The following CAMK1D variants were observed in gnomAD, a reference collection of about 807,000 sequenced individuals.
CAMK1D encodes calcium/calmodulin-dependent protein kinase type 1D.
In CAMK1D, 9 loss-of-function variants were observed where a neutral mutation model predicts 47.7. The ratio of observed to expected loss-of-function variants is 0.19; its 90% CI spans 0.11 to 0.33. The LOEUF (loss-of-function observed/expected upper bound fraction) is 0.33. CAMK1D is among the 10% of genes least tolerant of loss of function. CAMK1D has a pLI of 1.00. For missense variants in CAMK1D, 291 were observed against 488.7 expected, an observed-to-expected ratio of 0.60 and a Z score of 3.81; for synonymous variants, 184 against 184.9, an observed-to-expected ratio of 0.99 and a Z score of 0.04.
At chr10:12,547,216 A>C (rs1207980360) in intron 1 of CAMK1D, among the ~76,000 whole-genome samples, 1 of 152,254 alleles carries the variant, frequency 6.6e-6, no homozygotes, top group Non-Finnish European at 1.5e-5. Flanking sequence ...AAGGAGGTCA[A>C]GGCAAAAACC....
intron 1 of CAMK1D, among the ~76,000 whole-genome samples, chr10:12,367,766 G>A (rs1837880996): frequency 6.6e-6 from 1 of 152,108 alleles, no homozygotes; most frequent in African/African-American, 2.4e-5. Context: ...CAAGTGATGG[G>A]GGCGTCTGTA....
chr10:12,605,984 T>C (rs1838447642), intron 2 of CAMK1D, among the ~76,000 whole-genome samples: 1 of 152,164 alleles, frequency 6.6e-6, no homozygotes. Flanking sequence ...AATTTGGCCG[T>C]GAGAGAAGCA....
intron 1 of CAMK1D, among the ~76,000 whole-genome samples, chr10:12,404,774 A>C (rs1315802947): frequency 2.0e-5 from 3 of 151,458 alleles, no homozygotes; most frequent in African/African-American, 7.3e-5. Flanking sequence ...AGCTCCCTGC[A>C]ACCTCTGCCT....
intron 1 of CAMK1D, among the ~76,000 whole-genome samples, chr10:12,489,415 G>T (rs1377326911): frequency 6.6e-6 from 1 of 152,178 alleles, no homozygotes; most frequent in Non-Finnish European, 1.5e-5. Context: ...AAACATCCTG[G>T]AGAGTTGAAG....
At chr10:12,469,349 C>G (rs940530461) in intron 1 of CAMK1D, among the ~76,000 whole-genome samples, 1 of 123,202 alleles carries the variant, frequency 8.1e-6, no homozygotes, top group Non-Finnish European at 1.6e-5. Context: ...TAGAAAATAT[C>G]TGGATTTCAG....
At chr10:12,489,875 C>T (rs1834328677) in intron 1 of CAMK1D, among the ~76,000 whole-genome samples, 1 of 152,188 alleles carries the variant, frequency 6.6e-6, no homozygotes, top group African/African-American at 2.4e-5. Flanking sequence ...GGGCTGATGT[C>T]CCTGCAGCTG....
At chr10:12,406,561 C>T (rs1470487184) in intron 1 of CAMK1D, among the ~76,000 whole-genome samples, 4 of 151,066 alleles carry the variant, frequency 2.6e-5, no homozygotes. Flanking sequence ...AAAAAACAAA[C>T]CCTCCACAAA....
At chr10:12,715,402 C>T (rs1282946404) in intron 3 of CAMK1D, among the ~76,000 whole-genome samples, 2 of 152,190 alleles carry the variant, frequency 1.3e-5, no homozygotes, top group South Asian at 2.1e-4. Flanking sequence ...TGCATTTTAT[C>T]ATTTTCCTCT....
chr10:12,666,423 A>G (rs1251735674), intron 2 of CAMK1D, among the ~76,000 whole-genome samples: 2 of 152,328 alleles, frequency 1.3e-5, no homozygotes, highest in Middle Eastern at 3.4e-3. Flanking sequence ...CCAGTGGCTC[A>G]GCCCTCTGAG....
intron 1 of CAMK1D, among the ~76,000 whole-genome samples, chr10:12,352,330 C>T (rs1412891128): frequency 1.3e-5 from 2 of 152,136 alleles, no homozygotes; most frequent in South Asian, 2.1e-4. Context: ...ACATAATGGG[C>T]TGGGCGTGGT....
intron 6 of CAMK1D, among the ~76,000 whole-genome samples, chr10:12,807,710 C>A (rs1021863788): frequency 5.9e-5 from 9 of 152,162 alleles, no homozygotes; most frequent in African/African-American, 1.2e-4. Flanking sequence ...ATGCTGGGGA[C>A]CTTTGAGGCA....
At chr10:12,494,731 AT>A (rs1055595556) in intron 1 of CAMK1D, among the ~76,000 whole-genome samples, 1 of 151,478 alleles carries the variant, frequency 6.6e-6, no homozygotes, top group East Asian at 1.9e-4. Flanking sequence ...CACCTGGCTA[AT>A]TTTTTTTTGT....
intron 1 of CAMK1D, among the ~76,000 whole-genome samples, chr10:12,401,895 C>CTATATATATATATA (rs10635900): frequency 8.2e-5 from 12 of 146,048 alleles, no homozygotes; most frequent in Admixed American, 1.4e-4. Flanking sequence ...TATTCTCAGA[C>CTATATATATATATA]TATATATATA....
chr10:12,410,260 T>C (rs1350980141), intron 1 of CAMK1D, among the ~76,000 whole-genome samples: 2 of 152,244 alleles, frequency 1.3e-5, no homozygotes, highest in African/African-American at 4.8e-5. Context: ...AGAAATGCCA[T>C]TTCCTGTTCT....
At chr10:12,387,737 A>G (rs1452385091) in intron 1 of CAMK1D, among the ~76,000 whole-genome samples, 1 of 151,432 alleles carries the variant, frequency 6.6e-6, no homozygotes, top group Non-Finnish European at 1.5e-5. Context: ...CGATCCGCCC[A>G]CCCCAGCCTC....
At chr10:12,634,754 T>G (rs1839466888) in intron 2 of CAMK1D, among the ~76,000 whole-genome samples, 1 of 152,136 alleles carries the variant, frequency 6.6e-6, no homozygotes, top group Non-Finnish European at 1.5e-5. Flanking sequence ...CTTTTCTTCC[T>G]GCCGGCCCAT....
At chr10:12,475,135 C>G (rs773848827) in intron 1 of CAMK1D, among the ~76,000 whole-genome samples, 1 of 152,028 alleles carries the variant, frequency 6.6e-6, no homozygotes, top group Non-Finnish European at 1.5e-5. Context: ...ATTGCTGGGT[C>G]GAATTCATTG....
intron 2 of CAMK1D, among the ~76,000 whole-genome samples, chr10:12,582,274 G>C (rs917275914): frequency 1.3e-5 from 2 of 152,140 alleles, no homozygotes; most frequent in Non-Finnish European, 2.9e-5. Context: ...GTACCATGCT[G>C]TTTGGGTGAC....
chr10:12,474,218 T>TGA (rs1833834438), intron 1 of CAMK1D, among the ~76,000 whole-genome samples: 1 of 147,676 alleles, frequency 6.8e-6, no homozygotes, highest in African/African-American at 2.5e-5. Flanking sequence ...TTTTTTTTTT[T>TGA]GAGAGAGTCT....
Sources: gnomAD v4.1 joint callset for allele counts (sites outside exome capture counted in the v4.1 genomes callset) on GRCh38, gnomAD v4.1.1 for gene constraint, MANE v1.5 for transcripts, NCBI Gene and HGNC (gene_info 2026-07-23, HGNC 2026-07-21) for gene names.